The following GTF2E1 variants were observed in gnomAD, a reference collection of about 807,000 sequenced individuals.
The protein encoded by GTF2E1 is TFIIE alpha subunit.
A neutral mutation model predicts 34.9 loss-of-function variants in GTF2E1; 14 were observed. The ratio of observed to expected loss-of-function variants is 0.40; its 90% CI spans 0.27 to 0.63. The LOEUF (loss-of-function observed/expected upper bound fraction) is 0.63, where lower values mean the gene tolerates loss of function less well. Ranked by LOEUF, GTF2E1 falls within the 20% of genes least tolerant of loss-of-function variation. GTF2E1 has a pLI of 0.39. For missense variants in GTF2E1, 469 were observed against 557.7 expected (o/e 0.84, Z 1.60); for synonymous variants, 188 against 192.9 (o/e 0.97, Z 0.21).
In GTF2E1 at chr3:120,772,041, C is replaced by T. The variant is rs377064088; in HGVS notation, c.650+1112C>T. 8.1e-4 allele frequency among the ~76,000 whole-genome samples: 123 copies of T among 152,260 alleles called. 1 individual carries two copies. Among genetic ancestry groups the T allele is most frequent in the African/African-American group, 2.8e-3 (117 of 41,570 alleles). On this transcript the variant is annotated intron_variant, in intron 3 of 4. Transcript: ENST00000283875. ...CATCTTTATACTCTGCTGAACTCAG[C>T]CTGTTGATTATCCTCTTGGGACCAT...
chr3:120,772,828 C>A (rs1709364640), intron 3 of GTF2E1, among the ~76,000 whole-genome samples: 1 of 152,128 alleles, frequency 6.6e-6, no homozygotes, highest in African/African-American at 2.4e-5. Flanking sequence ...CCACCTACCA[C>A]AATCCAGCTC....
rs1222873695 is a variant in GTF2E1 at position 120,781,074 on chromosome 3, T to C, written c.924T>C (p.Arg308=). 6.2e-7 allele frequency: 1 copy of C among 1,613,540 alleles called. No individual in the cohort carries two copies. The highest frequency in any genetic ancestry group is 1.7e-5 in the Admixed American group (1 of 59,976). ...TAGATATGGACGCATTTCAGGAGCG[T>C]GAGGAAGGCCATGCTGGGCCTGATG... The part of the protein sequence containing the change: ...GGIDMDAFQE[R]EEGHAGPDDN... Residue 308 remains arginine, a synonymous_variant, in exon 5 of 5, where the codon CGT becomes CGC. Transcript: ENST00000283875.
chr3:120,757,151 T>G (rs1252236505), intron 2 of GTF2E1, among the ~76,000 whole-genome samples: 1 of 152,172 alleles, frequency 6.6e-6, no homozygotes. Flanking sequence ...TTTAGAGAAT[T>G]TATTGAAAGC....
Position 120,748,386 on chromosome 3 carries a change from C to T in GTF2E1, c.-30-2137C>T, listed in dbSNP as rs1367361338. Among the ~76,000 whole-genome samples the T allele has an allele frequency of 7.2e-5, 11 of 152,248 alleles. No individual in the cohort carries two copies. The East Asian group carries it at 2.1e-3, about 29-fold the overall frequency. On this transcript the variant is annotated intron_variant, in intron 1 of 4. Coordinates refer to ENST00000283875, the MANE Select transcript of GTF2E1 (RefSeq NM_005513.3). Reference sequence around the variant, plus strand: ...TTCTAGGGTTTTTATGGTTTTAGGTCTAACATTTAAGTCTTTAACCCGTCT... The same window carrying T: ...TTCTAGGGTTTTTATGGTTTTAGGTTTAACATTTAAGTCTTTAACCCGTCT...
intron 2 of GTF2E1, among the ~76,000 whole-genome samples, chr3:120,751,294 C>G (rs1376093380): frequency 2.0e-5 from 3 of 152,162 alleles, no homozygotes; most frequent in Admixed American, 6.5e-5. Flanking sequence ...ATTTCTCTAC[C>G]ACTTTGAGGC....
chr3:120,769,241 A>C (rs7620570), intron 2 of GTF2E1, among the ~76,000 whole-genome samples: 30,474 of 151,548 alleles, frequency 0.2, 3,548 homozygotes, highest in East Asian at 0.36. Context: ...ACTTTGGTAT[A>C]ATAGTATTCT....
rs191466745 is a variant in GTF2E1 at position 120,768,116 on chromosome 3, G to A, written c.449-2612G>A. Among the ~76,000 whole-genome samples the A allele has an allele frequency of 1.9e-3, 290 of 152,240 alleles. 3 individuals are homozygous for A. Among genetic ancestry groups the A allele is most frequent in the Admixed American group, 5.2e-3 (79 of 15,288 alleles). ...TTCGGGTATAACATGACTTTTTAAT[G>A]ATAAATTAGATAAATAATAAAACAT... On this transcript the variant is annotated intron_variant, in intron 2 of 4. Coordinates refer to ENST00000283875, the MANE Select transcript of GTF2E1 (RefSeq NM_005513.3).
intron 3 of GTF2E1, among the ~76,000 whole-genome samples, chr3:120,774,743 G>T (rs1423502173): frequency 6.6e-6 from 1 of 152,070 alleles, no homozygotes; most frequent in Non-Finnish European, 1.5e-5. Flanking sequence ...GCAGTGAGGA[G>T]GCAAAAGAAG....
chr3:120,762,520 A>T (rs9811750), intron 2 of GTF2E1, among the ~76,000 whole-genome samples: 5,136 of 152,314 alleles, frequency 0.034, 109 homozygotes, highest in Non-Finnish European at 0.046. Context: ...ACTTTATTAA[A>T]ACAGCTTATG....
At chr3:120,745,774 A>G (rs1709099830) in intron 1 of GTF2E1, among the ~76,000 whole-genome samples, 1 of 152,236 alleles carries the variant, frequency 6.6e-6, no homozygotes, top group Non-Finnish European at 1.5e-5. Flanking sequence ...ATGTAAAACA[A>G]CAAAAAATGA....
chr3:120,748,610 A>G (rs1324838539), intron 1 of GTF2E1, among the ~76,000 whole-genome samples: 1 of 152,084 alleles, frequency 6.6e-6, no homozygotes, highest in African/African-American at 2.4e-5. Flanking sequence ...ATTGGTCTAT[A>G]TCTCTGTTTT....
chr3:120,759,980 T>C (rs1195504600), intron 2 of GTF2E1, among the ~76,000 whole-genome samples: 3 of 152,204 alleles, frequency 2.0e-5, no homozygotes. Flanking sequence ...GTGAAGAAAG[T>C]CAGTGGTAGC....
chr3:120,765,176 C>T (rs1709297436), intron 2 of GTF2E1, among the ~76,000 whole-genome samples: 1 of 151,998 alleles, frequency 6.6e-6, no homozygotes. Context: ...CATTTCTTTT[C>T]TCATTGTGGA....
intron 3 of GTF2E1, among the ~76,000 whole-genome samples, chr3:120,773,437 G>A (rs983953964): frequency 1.3e-5 from 2 of 152,114 alleles, no homozygotes; most frequent in African/African-American, 4.8e-5. Context: ...TTACTGATCT[G>A]TAATCAGTTA....
Position 120,750,566 on chromosome 3 carries a change from A to G in GTF2E1, c.14A>G (p.Asp5Gly), listed in dbSNP as rs1446761890. 2 of 1,610,382 alleles carry G rather than the reference A, an allele frequency of 1.2e-6. No individual in the cohort carries two copies. The highest frequency in any genetic ancestry group is 2.7e-5 in the African/African-American group (2 of 74,866). MADPDVLTEVPAALK... is the reference protein window; with the variant it reads MADPGVLTEVPAALK... ...TCGTTGCTAAAGATGGCAGACCCAGATGTCCTCACTGAAGTTCCAGCAGCA... is the reference window on the plus strand; with the variant it reads ...TCGTTGCTAAAGATGGCAGACCCAGGTGTCCTCACTGAAGTTCCAGCAGCA... Residue 5 changes from aspartate (D) to glycine (G), a missense_variant, in exon 2 of 5, where the codon GAT (aspartate) becomes GGT (glycine). By Grantham distance (94) the Asp-to-Gly change is moderately conservative. Coordinates refer to ENST00000283875, the MANE Select transcript of GTF2E1 (RefSeq NM_005513.3).
chr3:120,744,543 G>A (rs1005100170), intron 1 of GTF2E1, among the ~76,000 whole-genome samples: 1 of 152,154 alleles, frequency 6.6e-6, no homozygotes, highest in Admixed American at 6.6e-5. Context: ...TATTTCTCAT[G>A]GCAGTACTTT....
chr3:120,744,541 A>C (rs895972357), intron 1 of GTF2E1, among the ~76,000 whole-genome samples: 4 of 152,138 alleles, frequency 2.6e-5, no homozygotes, highest in Admixed American at 2.6e-4. Context: ...CCTATTTCTC[A>C]TGGCAGTACT....
At chr3:120,772,598 A>G (rs1439258296) in intron 3 of GTF2E1, among the ~76,000 whole-genome samples, 3 of 152,144 alleles carry the variant, frequency 2.0e-5, no homozygotes, top group African/African-American at 7.2e-5. Flanking sequence ...TATGAGGGAA[A>G]TTGATTTTAC....
chr3:120,770,752 A>C lies in GTF2E1; in HGVS notation c.473A>C (p.His158Pro). Residue 158 changes from histidine (H) to proline (P), a missense_variant, in exon 3 of 5, where the codon CAT (histidine) becomes CCT (proline). Physicochemically the swap from His to Pro is moderately conservative, Grantham distance 77. Transcript: ENST00000283875. ...MTGTFRCTFC[H>P]TEVEEDESAM... ...GGAACTTTCCGCTGTACTTTTTGCCATACAGAGGTAGAAGAGGATGAATCA... is the reference window on the plus strand; with the variant it reads ...GGAACTTTCCGCTGTACTTTTTGCCCTACAGAGGTAGAAGAGGATGAATCA... 1.2e-6 allele frequency: 2 copies of C among 1,613,450 alleles called. No homozygotes were observed. Among genetic ancestry groups the C allele is most frequent in the Non-Finnish European group, 1.7e-6 (2 of 1,179,468 alleles).
Sources: gnomAD v4.1 joint callset for allele counts (sites outside exome capture counted in the v4.1 genomes callset) on GRCh38, gnomAD v4.1.1 for gene constraint, MANE v1.5 for transcripts, NCBI Gene and HGNC (gene_info 2026-07-23, HGNC 2026-07-21) for gene names.